STARD7: variants seen among roughly 807,000 people sequenced by gnomAD.
STARD7 encodes stAR-related lipid transfer protein 7, mitochondrial.
A neutral mutation model predicts 45.3 loss-of-function variants in STARD7; 30 were observed. The ratio of observed to expected loss-of-function variants is 0.66; its 90% CI spans 0.50 to 0.90. STARD7 has a LOEUF of 0.90. STARD7 is among the 40% of genes least tolerant of loss of function. STARD7 has a pLI of 0.00. For missense variants in STARD7, 495 were observed against 491.3 expected (o/e 1.01, Z -0.07); for synonymous variants, 199 against 183.0 (o/e 1.09, Z -0.70).
chr2:96,186,959 A>C (rs749116869), intron 7 of STARD7, 45 bp from the exon 8 acceptor site: 2 of 1,544,878 alleles, frequency 1.3e-6, no homozygotes, highest in East Asian at 4.5e-5. Context: ...ACAAACCAAC[A>C]GTAGGCTCAA....
intron 6 of STARD7, among the ~76,000 whole-genome samples, chr2:96,188,804 G>C (rs1471888186): frequency 6.6e-6 from 1 of 151,908 alleles, no homozygotes; most frequent in East Asian, 2.0e-4. Context: ...TGAGGCAAGA[G>C]AACTGCTTGA....
chr2:96,201,975 TGAG>T (rs973967366), intron 1 of STARD7, among the ~76,000 whole-genome samples: 4 of 152,174 alleles, frequency 2.6e-5, no homozygotes, highest in African/African-American at 9.7e-5. Context: ...ACCTTTAAAG[TGAG>T]GACGTTATTT....
intron 1 of STARD7, among the ~76,000 whole-genome samples, chr2:96,198,666 T>C (rs1005965699): frequency 3.3e-5 from 5 of 152,234 alleles, no homozygotes; most frequent in African/African-American, 1.2e-4. Context: ...CTAGTCTTGA[T>C]AGTATCCTTT....
chr2:96,197,843 T>C (rs1683248850), intron 1 of STARD7, among the ~76,000 whole-genome samples: 1 of 152,216 alleles, frequency 6.6e-6, no homozygotes, highest in South Asian at 2.1e-4. Context: ...GTAGCTTTTG[T>C]GTTGAGCTTC....
chr2:96,195,134 T>A, intron 2 of STARD7, 127 bp from the exon 3 acceptor site: 1 of 908,058 alleles, frequency 1.1e-6, no homozygotes, highest in East Asian at 2.6e-5. Context: ...AAACTAGAAG[T>A]CTTAGTAGAG....
Position 96,187,159 on chromosome 2 carries a change from A to G in STARD7, c.928+58T>C, listed in dbSNP as rs1039319498. 13 of 1,314,268 alleles carry G rather than the reference A, an allele frequency of 9.9e-6. No homozygotes were observed. The African/African-American group carries it at 1.9e-4, about 20-fold the overall frequency. 81.4% of individuals were successfully genotyped at this position (1,314,268 alleles called of 1,614,324 possible). A position where few individuals can be genotyped will look rare whatever the true frequency, so the allele number is the denominator to read the frequency against. ...ACGTTTTATTTCCCCATTAGGAAAT[A>G]GAGAAAAACAAAATGCTCAACCCAG... On this transcript the variant is annotated intron_variant, in intron 7 of 7. Coordinates refer to ENST00000337288, the MANE Select transcript of STARD7 (RefSeq NM_020151.4).
chr2:96,189,760 C>CA (rs2104172743), intron 6 of STARD7, among the ~76,000 whole-genome samples: 1 of 150,616 alleles, frequency 6.6e-6, no homozygotes, highest in African/African-American at 2.4e-5. Flanking sequence ...ATCCTGAAGA[C>CA]AAAAAGACCA....
At chr2:96,201,653 C>T (rs1683307260) in intron 1 of STARD7, among the ~76,000 whole-genome samples, 1 of 151,486 alleles carries the variant, frequency 6.6e-6, no homozygotes, top group Admixed American at 6.6e-5. Flanking sequence ...AAAAAATTAG[C>T]CAGGCATGGT....
At chr2:96,197,084 AAT>A (rs1683227825) in intron 1 of STARD7, among the ~76,000 whole-genome samples, 1 of 138,396 alleles carries the variant, frequency 7.2e-6, no homozygotes, top group Non-Finnish European at 1.6e-5. Context: ...AATAAAATAA[AAT>A]AAAATAAAAT....
intron 6 of STARD7, among the ~76,000 whole-genome samples, chr2:96,190,724 C>G (rs573116222): frequency 2.0e-5 from 3 of 152,156 alleles, no homozygotes; most frequent in Admixed American, 2.0e-4. Context: ...TTAATGCAGC[C>G]TTGACCTCCT....
chr2:96,186,652 T>C lies in STARD7; in HGVS notation c.*78A>G. 10 of 1,131,624 alleles carry C rather than the reference T, an allele frequency of 8.8e-6. No homozygotes were observed. Among genetic ancestry groups the C allele is most frequent in the Non-Finnish European group, 1.1e-5 (9 of 805,526 alleles). 70.1% of individuals were successfully genotyped at this position (1,131,624 alleles called of 1,614,324 possible). On this transcript the variant is annotated 3_prime_UTR_variant, in exon 8 of 8. Coordinates refer to ENST00000337288, the MANE Select transcript of STARD7 (RefSeq NM_020151.4). Reference sequence around the variant, plus strand: ...CAGATGCCTTCTAATACATGTGGCATGTCCCCCTTCTACAGCAGAGTGATA... The same window carrying C: ...CAGATGCCTTCTAATACATGTGGCACGTCCCCCTTCTACAGCAGAGTGATA...
At chr2:96,196,113 C>CAAAAAAAAAAAAAAAA in intron 1 of STARD7, among the ~76,000 whole-genome samples, 1 of 83,410 alleles carries the variant, frequency 1.2e-5, no homozygotes, top group African/African-American at 4.8e-5. Flanking sequence ...ACTCTTGTCT[C>CAAAAAAAAAAAAAAAA]AAAAAAAAAA....
chr2:96,208,348 G>C lies in STARD7; in HGVS notation c.87C>G (p.Phe29Leu), dbSNP rs1412178891. ...CGCGCCGCACGCGCAGGCCCGTGAC[G>C]AAGCGGCACTGATTGGCCAGAAGCG... ...LLALLANQCRFVTGLRVRRAQ... is the reference protein window; with the variant it reads ...LLALLANQCRLVTGLRVRRAQ... Residue 29 changes from phenylalanine (F) to leucine (L), a missense_variant, in exon 1 of 8, where the codon TTC becomes TTG. Transcript: ENST00000337288. The C allele has an allele frequency of 2.5e-6, 4 of 1,592,028 alleles. No individual in the cohort carries two copies. Among genetic ancestry groups the C allele is most frequent in the Non-Finnish European group, 3.4e-6 (4 of 1,174,396 alleles).
chr2:96,207,613 T>G (rs1362135311), intron 1 of STARD7, among the ~76,000 whole-genome samples: 1 of 152,192 alleles, frequency 6.6e-6, no homozygotes, highest in African/African-American at 2.4e-5. Flanking sequence ...GGTTCAAATG[T>G]CTGGGCTGCT....
chr2:96,207,523 A>G (rs1293897598), intron 1 of STARD7, among the ~76,000 whole-genome samples: 1 of 152,252 alleles, frequency 6.6e-6, no homozygotes, highest in African/African-American at 2.4e-5. Flanking sequence ...TTTGATGACG[A>G]CAGCATGACT....
At chr2:96,195,781 T>C in intron 1 of STARD7, among the ~76,000 whole-genome samples, 1 of 152,064 alleles carries the variant, frequency 6.6e-6, no homozygotes, top group East Asian at 1.9e-4. Context: ...AAAATGGAAA[T>C]AATAATAGTA....
chr2:96,207,078 G>A (rs1256485577), intron 1 of STARD7, among the ~76,000 whole-genome samples: 1 of 152,202 alleles, frequency 6.6e-6, no homozygotes, highest in Non-Finnish European at 1.5e-5. Context: ...TATCTTTCCT[G>A]CTAGGAAAAG....
chr2:96,203,787 A>G (rs1683343870), intron 1 of STARD7, among the ~76,000 whole-genome samples: 1 of 150,714 alleles, frequency 6.6e-6, no homozygotes, highest in African/African-American at 2.4e-5. Flanking sequence ...ACACAGTGAA[A>G]CCTTCTCTTC....
rs145246592 is a variant in STARD7 at position 96,185,311 on chromosome 2, AG to A, written c.*1418del. On this transcript the variant is annotated 3_prime_UTR_variant, in exon 8 of 8. Transcript: ENST00000337288. ...AAATGAACAGGCAACAAGAAGGTCA[AG>A]GAAGTGTTTAAGTTAGTCTCAGGTT... is the stretch of plus-strand genomic sequence containing the variant. 2.4e-3 allele frequency: 363 copies of A among 152,770 alleles called. 4 individuals carry two copies. The East Asian group carries it at 0.027, about 11-fold the overall frequency. 9.5% of individuals were successfully genotyped at this position (152,770 alleles called of 1,614,324 possible). A position where few individuals can be genotyped will look rare whatever the true frequency, so the allele number is the denominator to read the frequency against.
Sources: gnomAD v4.1 joint callset for allele counts (sites outside exome capture counted in the v4.1 genomes callset) on GRCh38, gnomAD v4.1.1 for gene constraint, MANE v1.5 for transcripts, NCBI Gene and HGNC (gene_info 2026-07-23, HGNC 2026-07-21) for gene names.